Variants in SEC14L3 observed in about 807,000 individuals in gnomAD.
SEC14L3 encodes the protein SEC14 like lipid binding 3, also known as SEC14-like protein 3.
Under a neutral mutation model 57.4 loss-of-function variants are expected in SEC14L3, and 56 were observed. The observed-to-expected ratio is 0.97, with a 90% CI of 0.79 to 1.22. SEC14L3 has a LOEUF of 1.22. Ranked by LOEUF, SEC14L3 falls within the 50% of genes most tolerant of loss-of-function variation. The pLI is 0.00. For missense variants in SEC14L3, 485 were observed against 511.7 expected (o/e 0.95, Z 0.50); for synonymous variants, 173 against 194.4 (o/e 0.89, Z 0.92).
rs1935191956 is a variant in SEC14L3 at position 30,459,738 on chromosome 22, C to A, written c.*283G>T. The stretch of plus-strand genomic sequence containing the variant: ...GCCTTAGGGTAGGTGAGGACAAAGG[C>A]TAGGGGATTCATTTTGCTATTTATT... On this transcript the variant is annotated 3_prime_UTR_variant, in exon 12 of 12. Transcript: ENST00000215812. The A allele has an allele frequency of 8.9e-6, 10 of 1,120,904 alleles. No homozygotes were observed. The highest frequency in any genetic ancestry group is 4.1e-5 in the Admixed American group (1 of 24,616). The allele number at this position is 1,120,904 out of a possible 1,614,324, so 69.4% of individuals were successfully genotyped here. A position where few individuals can be genotyped will look rare whatever the true frequency, so the allele number is the denominator to read the frequency against.
intron 12 of SEC14L3, among the ~76,000 whole-genome samples, chr22:30,452,022 G>GAAAAA (rs1569224098): frequency 8.8e-6 from 1 of 114,176 alleles, no homozygotes. Flanking sequence ...AAAAAGAAAA[G>GAAAAA]AAAAGAAAAG....
downstream of SEC14L3, among the ~76,000 whole-genome samples, chr22:30,454,908 ATAT>A (rs1161264890): frequency 5.6e-4 from 22 of 39,170 alleles, no homozygotes; most frequent in Admixed American, 4.7e-4. Flanking sequence ...GATATATAAT[ATAT>A]TATTATATAT....
chr22:30,469,048 A>G, intron 4 of SEC14L3: 1 of 1,119,458 alleles, frequency 8.9e-7, no homozygotes, highest in Non-Finnish European at 1.2e-6. Flanking sequence ...CTGGGCATGG[A>G]GGCTCATGCC....
downstream of SEC14L3, among the ~76,000 whole-genome samples, chr22:30,458,996 G>A (rs1569226850): frequency 2.0e-5 from 3 of 152,098 alleles, no homozygotes; most frequent in South Asian, 4.1e-4. Context: ...GCGACAGAGC[G>A]AGACCCTGTC....
At chr22:30,466,764 T>C (rs1455069250) in intron 6 of SEC14L3, among the ~76,000 whole-genome samples, 1 of 152,158 alleles carries the variant, frequency 6.6e-6, no homozygotes, top group Non-Finnish European at 1.5e-5. Flanking sequence ...GAGGGTTTGG[T>C]GGAAGCTGGA....
At position 30,464,393 on chromosome 22, in the gene SEC14L3, CACTGT is replaced by C. The variant is rs1306050566; in HGVS notation, c.664+422_664+426del. On this transcript the variant is annotated intron_variant, in intron 8 of 11. Coordinates refer to ENST00000215812, the MANE Select transcript of SEC14L3 (RefSeq NM_174975.5). ...ACACTCTTTAGGGTAAAACCCACTTCACTGTTGGGAAGAAGGAGCCTCTGACTAGG... is the reference window on the plus strand; with the variant it reads ...ACACTCTTTAGGGTAAAACCCACTTCTGGGAAGAAGGAGCCTCTGACTAGG... Among the ~76,000 whole-genome samples, 5 of 152,150 alleles carry C rather than the reference CACTGT, an allele frequency of 3.3e-5. 1 individual carries two copies. The highest frequency in any genetic ancestry group is 3.3e-4 in the Admixed American group (5 of 15,278).
intron 11 of SEC14L3, among the ~76,000 whole-genome samples, chr22:30,461,053 C>T (rs1228972119): frequency 2.0e-5 from 3 of 152,152 alleles, no homozygotes; most frequent in Admixed American, 6.5e-5. Context: ...ACTACACCTG[C>T]CCTATCACTT....
chr22:30,453,792 G>C (rs887188050), intron 12 of SEC14L3, among the ~76,000 whole-genome samples: 5 of 152,170 alleles, frequency 3.3e-5, no homozygotes, highest in African/African-American at 9.6e-5. Context: ...TTCCAAGCAG[G>C]AAAGGGAGGA....
At position 30,466,360 on chromosome 22, in the gene SEC14L3, G is replaced by A. The variant is rs752568506; in HGVS notation, c.554C>T (p.Thr185Ile). Reference sequence around the variant, plus strand: ...TTTCACGATGAGCATGAACTTCAGGGTCTCTGGGTAATTCTCTTCAAGGAG... The same window carrying A: ...TTTCACGATGAGCATGAACTTCAGGATCTCTGGGTAATTCTCTTCAAGGAG... Reference protein sequence around the residue: ...FGLLEENYPETLKFMLIVKAT... With the variant: ...FGLLEENYPEILKFMLIVKAT... The change falls in exon 7 of 12, where the codon ACC becomes ATC. Residue 185 changes from threonine to isoleucine, a missense_variant. Thr to Ile is a moderately conservative substitution (Grantham distance 89, BLOSUM62 -1). Transcript: ENST00000215812. 15 of 1,614,108 alleles carry A rather than the reference G, an allele frequency of 9.3e-6. No homozygotes were observed. The South Asian group carries it at 1.4e-4, about 15-fold the overall frequency.
chr22:30,465,273 C>T (rs1411976631), intron 7 of SEC14L3, among the ~76,000 whole-genome samples: 1 of 152,200 alleles, frequency 6.6e-6, no homozygotes, highest in Non-Finnish European at 1.5e-5. Context: ...TAACTTCTAA[C>T]CAGCCAACCT....
At chr22:30,456,144 C>T (rs1292533800), downstream of SEC14L3, among the ~76,000 whole-genome samples, 4 of 151,932 alleles carry the variant, frequency 2.6e-5, no homozygotes, top group Non-Finnish European at 5.9e-5. Context: ...ACTAAAAATA[C>T]AAAAATTAGC....
downstream of SEC14L3, among the ~76,000 whole-genome samples, chr22:30,454,928 A>T (rs865806298): frequency 1.9e-4 from 6 of 31,002 alleles, no homozygotes; most frequent in Admixed American, 5.8e-4. Context: ...ATATTATATA[A>T]TAGATATATA....
downstream of SEC14L3, among the ~76,000 whole-genome samples, chr22:30,457,716 C>A (rs1212316232): frequency 6.7e-6 from 1 of 150,002 alleles, no homozygotes; most frequent in East Asian, 2.0e-4. Flanking sequence ...CTAAATCTGA[C>A]AACCCTCATT....
At chr22:30,455,080 T>A (rs1440259055), downstream of SEC14L3, among the ~76,000 whole-genome samples, 2 of 79,732 alleles carry the variant, frequency 2.5e-5, no homozygotes, top group African/African-American at 1.2e-4. Context: ...ATATAATATA[T>A]TAAATATTTA....
At chr22:30,449,287 A>G (rs1934934767) in intron 12 of SEC14L3, 1 of 1,546,594 alleles carries the variant, frequency 6.5e-7, no homozygotes, top group South Asian at 1.2e-5. Context: ...ACAAACAAAA[A>G]GAAATGAAAA....
intron 4 of SEC14L3, 109 bp from the exon 5 acceptor site, chr22:30,468,805 C>T (rs2269962): frequency 0.34 from 535,206 of 1,594,902 alleles, 93,921 homozygotes; most frequent in South Asian, 0.57. Context: ...ATAAAAAGCA[C>T]TGTCCCTCCC....
chr22:30,453,004 C>T (rs1402803222), intron 12 of SEC14L3, among the ~76,000 whole-genome samples: 1 of 152,116 alleles, frequency 6.6e-6, no homozygotes, highest in Non-Finnish European at 1.5e-5. Context: ...AAGTGTGAGC[C>T]ACTGTGCCCA....
intron 7 of SEC14L3, among the ~76,000 whole-genome samples, chr22:30,465,486 C>G (rs537047715): frequency 1.3e-5 from 2 of 152,090 alleles, no homozygotes; most frequent in African/African-American, 4.8e-5. Context: ...AGCCAACCAT[C>G]CAAATAACTA....
exon 13 of SEC14L3, chr22:30,448,816 CAA>C (rs1193342392): frequency 2.8e-6 from 1 of 356,164 alleles, no homozygotes; most frequent in African/African-American, 2.0e-5. Context: ...CACTTGAGCC[CAA>C]GAGCTCAAGG....
Sources: allele counts gnomAD v4.1 joint callset (sites outside exome capture counted in the v4.1 genomes callset), GRCh38; gene constraint gnomAD v4.1.1; transcripts MANE v1.5; gene names NCBI Gene and HGNC (gene_info 2026-07-23, HGNC 2026-07-21).